Variants in NOL4 observed in about 807,000 individuals in gnomAD.
NOL4 encodes the protein nucleolar protein 4.
NOL4 carries 17 observed loss-of-function variants against 75.9 expected under a neutral mutation model. The ratio of observed to expected loss-of-function variants is 0.22; its 90% CI spans 0.15 to 0.34. The LOEUF is 0.34. Among genes scored for constraint, NOL4 ranks in the 10% least tolerant of loss-of-function variants. The pLI is 1.00. For synonymous variants in NOL4, 292 were observed against 289.9 expected (o/e 1.01, Z -0.07); for missense variants, 614 against 793.5 (o/e 0.77, Z 2.72).
chr18:34,204,746 T>G (rs1018577987), intron 1 of NOL4, among the ~76,000 whole-genome samples: 2 of 152,070 alleles, frequency 1.3e-5, no homozygotes, highest in African/African-American at 4.8e-5. Context: ...CCCATAAGTT[T>G]ATACCAATTA....
At chr18:33,981,663 C>T (rs907281848) in intron 6 of NOL4, among the ~76,000 whole-genome samples, 1 of 152,040 alleles carries the variant, frequency 6.6e-6, no homozygotes, top group Non-Finnish European at 1.5e-5. Flanking sequence ...ACCAGGAGAC[C>T]TGGCTTGCAG....
rs1240740212 is a variant in NOL4 at position 34,223,990 on chromosome 18, C to A, written c.-737G>T. ...TTTAAAACGGTTTAAAATGTCATTT[C>A]TTCAGATGCATTTTGAATAAATTCC... On this transcript the variant is annotated 5_prime_UTR_variant, in exon 1 of 11. Transcript: ENST00000261592. 1 of 152,254 alleles carries A rather than the reference C, an allele frequency of 6.6e-6. No individual in the cohort carries two copies. Among genetic ancestry groups the A allele is most frequent in the Non-Finnish European group, 1.5e-5 (1 of 68,042 alleles). The allele number at this position is 152,254 out of a possible 1,614,324, so 9.4% of individuals were successfully genotyped here.
chr18:33,882,595 T>G (rs1412758430), intron 10 of NOL4, among the ~76,000 whole-genome samples: 3 of 149,236 alleles, frequency 2.0e-5, no homozygotes, highest in South Asian at 2.1e-4. Flanking sequence ...GGAACACTTT[T>G]ACACTGTTGG....
chr18:33,882,671 G>A (rs1266993180), intron 10 of NOL4, among the ~76,000 whole-genome samples: 355 of 151,004 alleles, frequency 2.4e-3, no homozygotes, highest in Middle Eastern at 0.017. Flanking sequence ...ATCTAGAACT[G>A]GAAATACCAT....
intron 8 of NOL4, among the ~76,000 whole-genome samples, chr18:33,956,525 G>GA (rs2069662102): frequency 6.6e-6 from 1 of 151,700 alleles, no homozygotes; most frequent in African/African-American, 2.4e-5. Context: ...AATAAGACAA[G>GA]AAAAAAATGG....
intron 1 of NOL4, among the ~76,000 whole-genome samples, chr18:34,142,589 C>A (rs539115664): frequency 6.6e-6 from 1 of 152,194 alleles, no homozygotes; most frequent in African/African-American, 2.4e-5. Flanking sequence ...GGACAAAAAA[C>A]CAAACATCGC....
chr18:34,122,040 T>C (rs1211907144), intron 2 of NOL4, among the ~76,000 whole-genome samples: 2 of 152,194 alleles, frequency 1.3e-5, no homozygotes, highest in African/African-American at 4.8e-5. Context: ...TATTATCTAT[T>C]GATAAGAAAA....
intron 9 of NOL4, among the ~76,000 whole-genome samples, chr18:33,938,720 G>C (rs2068247289): frequency 6.6e-6 from 1 of 152,116 alleles, no homozygotes; most frequent in Admixed American, 6.6e-5. Context: ...CTCTCATTCT[G>C]TAGGTTGCTT....
intron 9 of NOL4, among the ~76,000 whole-genome samples, chr18:33,890,331 C>G (rs2065020371): frequency 1.3e-5 from 2 of 152,012 alleles, no homozygotes; most frequent in Non-Finnish European, 1.5e-5. Flanking sequence ...TGTGAAGGAC[C>G]TCTTCAAGGA....
chr18:34,194,851 T>C (rs1373583892), intron 1 of NOL4, among the ~76,000 whole-genome samples: 2 of 151,776 alleles, frequency 1.3e-5, no homozygotes, highest in African/African-American at 4.8e-5. Flanking sequence ...ATGGATAAAC[T>C]TCATCTCTAC....
intron 5 of NOL4, among the ~76,000 whole-genome samples, chr18:34,021,403 G>T (rs1030974647): frequency 6.6e-6 from 1 of 152,042 alleles, no homozygotes; most frequent in African/African-American, 2.4e-5. Flanking sequence ...GCATATGCAG[G>T]GCAAGTGAGA....
intron 9 of NOL4, among the ~76,000 whole-genome samples, chr18:33,940,905 A>G (rs1055949892): frequency 2.0e-5 from 3 of 151,868 alleles, no homozygotes; most frequent in Admixed American, 6.6e-5. Flanking sequence ...CAGGAGTAAG[A>G]AGTCCCATTT....
chr18:33,852,692 T>A lies in NOL4; in HGVS notation c.*150A>T. 1 of 689,776 alleles carries A rather than the reference T, an allele frequency of 1.4e-6. No individual in the cohort carries two copies. The highest frequency in any genetic ancestry group is 2.4e-6 in the Non-Finnish European group (1 of 420,068). The allele number at this position is 689,776 out of a possible 1,614,324, so 42.7% of individuals were successfully genotyped here. A position where few individuals can be genotyped will look rare whatever the true frequency, so the allele number is the denominator to read the frequency against. ...AGTTCCTTTGAAGCACCTTAACACA[T>A]CACTTACGGATCAAGGACAATGTGG... On this transcript the variant is annotated 3_prime_UTR_variant, in exon 11 of 11. Transcript: ENST00000261592.
intron 10 of NOL4, among the ~76,000 whole-genome samples, chr18:33,870,019 C>T (rs995862365): frequency 6.6e-6 from 1 of 151,994 alleles, no homozygotes; most frequent in Non-Finnish European, 1.5e-5. Context: ...GCTTAGAAAG[C>T]AAATTAGTAT....
chr18:34,036,461 A>G (rs530430898), intron 5 of NOL4, among the ~76,000 whole-genome samples: 2 of 152,334 alleles, frequency 1.3e-5, no homozygotes, highest in East Asian at 3.9e-4. Context: ...CCATACCTCA[A>G]CACAATAAAA....
At chr18:33,883,503 C>G (rs1201974214) in intron 9 of NOL4, 79 bp from the exon 10 acceptor site, 1 of 1,071,106 alleles carries the variant, frequency 9.3e-7, no homozygotes, top group Non-Finnish European at 1.3e-6. Context: ...TTATTGTTAT[C>G]TAAATACCTG....
intron 9 of NOL4, among the ~76,000 whole-genome samples, chr18:33,899,404 CA>C (rs1427855690): frequency 6.6e-6 from 1 of 152,124 alleles, no homozygotes; most frequent in Non-Finnish European, 1.5e-5. Context: ...TACCTTCCTC[CA>C]ACTCTTTGTC....
At chr18:34,151,773 G>A (rs929648869) in intron 1 of NOL4, among the ~76,000 whole-genome samples, 6 of 151,812 alleles carry the variant, frequency 4.0e-5, no homozygotes, top group African/African-American at 1.4e-4. Context: ...GATGTTGATA[G>A]CAGGGGTGCT....
At chr18:34,021,027 A>C (rs914294429) in intron 5 of NOL4, among the ~76,000 whole-genome samples, 3 of 152,162 alleles carry the variant, frequency 2.0e-5, no homozygotes, top group African/African-American at 7.2e-5. Context: ...TTTTCTAATC[A>C]ATTACATTCA....
Sources: gnomAD v4.1 joint callset for allele counts (sites outside exome capture counted in the v4.1 genomes callset) on GRCh38, gnomAD v4.1.1 for gene constraint, MANE v1.5 for transcripts, NCBI Gene and HGNC (gene_info 2026-07-23, HGNC 2026-07-21) for gene names.